CHLSN: variants seen among roughly 807,000 people sequenced by gnomAD.
CHLSN encodes the protein protein cholesin.
the CHLSN span, among the ~76,000 whole-genome samples, chr7:1,032,509 C>T: frequency 1.6e-4 from 24 of 151,304 alleles, no homozygotes; most frequent in East Asian, 2.7e-3. Context: ...CGCAGCCACC[C>T]GCCCACACCG....
chr7:1,058,046 G>C, the CHLSN span: 2 of 768,816 alleles, frequency 2.6e-6, no homozygotes, highest in South Asian at 2.7e-5. Flanking sequence ...GCGCGCTAGA[G>C]TGCGCCAAGA....
the CHLSN span, among the ~76,000 whole-genome samples, chr7:1,006,434 A>G: frequency 6.6e-6 from 1 of 150,534 alleles, no homozygotes. Flanking sequence ...CGACGGCCAC[A>G]GCGCAGGGAA....
chr7:1,018,010 T>G, the CHLSN span, among the ~76,000 whole-genome samples: 1 of 152,190 alleles, frequency 6.6e-6, no homozygotes, highest in Non-Finnish European at 1.5e-5. Context: ...AGCCCAAATT[T>G]AAATAATGAC....
the CHLSN span, among the ~76,000 whole-genome samples, chr7:1,007,681 T>C: frequency 1.3e-5 from 2 of 152,196 alleles, no homozygotes; most frequent in African/African-American, 4.8e-5. Flanking sequence ...CTGCTTTGTT[T>C]CTGAGAAGTA....
the CHLSN span, among the ~76,000 whole-genome samples, chr7:1,116,386 A>G: frequency 7.5e-6 from 1 of 132,802 alleles, no homozygotes; most frequent in African/African-American, 3.1e-5. Flanking sequence ...TCCATCACCG[A>G]CGCCCACGCA....
the CHLSN span, among the ~76,000 whole-genome samples, chr7:1,070,742 GCA>G: frequency 2.8e-5 from 4 of 141,092 alleles, no homozygotes; most frequent in African/African-American, 5.4e-5. Flanking sequence ...ACGCACATAT[GCA>G]CACAACGCAC....
At chr7:1,016,954 GCACAGCAGCA>G in the CHLSN span, among the ~76,000 whole-genome samples, 2 of 108,862 alleles carry the variant, frequency 1.8e-5, no homozygotes, top group African/African-American at 3.9e-5. Context: ...ACACGCCAGC[GCACAGCAGCA>G]CACGCCAGCA....
chr7:1,054,011 AG>A, the CHLSN span, among the ~76,000 whole-genome samples: 1 of 152,182 alleles, frequency 6.6e-6, no homozygotes, highest in Non-Finnish European at 1.5e-5. Flanking sequence ...GGCGTGGCCG[AG>A]GAAGGGGTTT....
chr7:1,091,586 G>GCTC, the CHLSN span: 1 of 699,184 alleles, frequency 1.4e-6, no homozygotes, highest in Non-Finnish European at 2.5e-6. Flanking sequence ...CACCACAGGT[G>GCTC]CTCCTCCTGG....
the CHLSN span, among the ~76,000 whole-genome samples, chr7:1,011,209 C>T: frequency 2.2e-5 from 2 of 90,194 alleles, no homozygotes; most frequent in Non-Finnish European, 2.3e-5. Flanking sequence ...CCCACAGACA[C>T]GGACACATAC....
the CHLSN span, among the ~76,000 whole-genome samples, chr7:1,034,380 G>A: frequency 3.5e-5 from 5 of 143,366 alleles, no homozygotes; most frequent in Non-Finnish European, 7.8e-5. Flanking sequence ...AACTCCTACC[G>A]TAAATTTCAG....
At chr7:1,001,123 C>A in the CHLSN span, among the ~76,000 whole-genome samples, 6 of 152,134 alleles carry the variant, frequency 3.9e-5, no homozygotes, top group African/African-American at 1.4e-4. Context: ...GCGAAGCTGG[C>A]GCTGTGGGTA....
At chr7:1,071,119 G>A in the CHLSN span, among the ~76,000 whole-genome samples, 1 of 152,272 alleles carries the variant, frequency 6.6e-6, no homozygotes, top group Non-Finnish European at 1.5e-5. Flanking sequence ...GGGGCCATGA[G>A]ACTGGATTCC....
At chr7:1,009,977 G>GC in the CHLSN span, 2 of 1,575,466 alleles carry the variant, frequency 1.3e-6, no homozygotes, top group African/African-American at 1.3e-5. Context: ...GGCCAGTTCG[G>GC]CCCCCGAGCG....
chr7:1,027,069 T>C, the CHLSN span: 1 of 152,222 alleles, frequency 6.6e-6, no homozygotes, highest in South Asian at 2.1e-4. Context: ...CAGAACATGT[T>C]ACCGCCTCTA....
At chr7:1,134,828 G>T in the CHLSN span, among the ~76,000 whole-genome samples, 3 of 152,088 alleles carry the variant, frequency 2.0e-5, no homozygotes, top group Non-Finnish European at 4.4e-5. Flanking sequence ...AGTGAGCCGA[G>T]ATCGCACCAC....
At chr7:1,102,943 T>C in the CHLSN span, among the ~76,000 whole-genome samples, 3 of 152,186 alleles carry the variant, frequency 2.0e-5, no homozygotes, top group Non-Finnish European at 4.4e-5. Flanking sequence ...ACAGAAACAC[T>C]GTACAGGGAG....
chr7:985,153 G>GCCTCCCTCGCAGGCCGGCCCT, the CHLSN span: 1 of 1,593,164 alleles, frequency 6.3e-7, no homozygotes, highest in Admixed American at 1.8e-5. Flanking sequence ...CCTGAGGCCC[G>GCCTCCCTCGCAGGCCGGCCCT]TCTCCCTCGC....
At chr7:1,007,717 G>A in the CHLSN span, among the ~76,000 whole-genome samples, 4 of 152,170 alleles carry the variant, frequency 2.6e-5, no homozygotes, top group African/African-American at 4.8e-5. Flanking sequence ...CCCACACGCA[G>A]GACACAGTGC....
Sources: gnomAD v4.1 joint callset for allele counts (sites outside exome capture counted in the v4.1 genomes callset) on GRCh38, gnomAD v4.1.1 for gene constraint, MANE v1.5 for transcripts, NCBI Gene and HGNC (gene_info 2026-07-23, HGNC 2026-07-21) for gene names.